Variants in SEPTIN11 observed in about 807,000 individuals in gnomAD.
The protein encoded by SEPTIN11 is septin 11.
A neutral mutation model predicts 51.4 loss-of-function variants in SEPTIN11; 25 were observed. The ratio of observed to expected loss-of-function variants is 0.49; its 90% confidence interval spans 0.35 to 0.68. The LOEUF is 0.68. Ranked by LOEUF, SEPTIN11 falls within the 30% of genes least tolerant of loss-of-function variation. The pLI, the probability that SEPTIN11 is intolerant of heterozygous loss-of-function variation, is 0.00. For synonymous variants in SEPTIN11, 174 were observed against 184.1 expected (o/e 0.95, Z 0.44); for missense variants, 381 against 520.8 (o/e 0.73, Z 2.61).
At chr4:76,955,838 T>C (rs1430131266) in intron 1 of SEPTIN11, among the ~76,000 whole-genome samples, 1 of 152,234 alleles carries the variant, frequency 6.6e-6, no homozygotes, top group Non-Finnish European at 1.5e-5. Flanking sequence ...CCCAGTTTTA[T>C]GCATTGAGCC....
At position 77,011,840 on chromosome 4, in the gene SEPTIN11, T is replaced by A. The variant is rs1469141733; in HGVS notation, c.444T>A (p.His148Gln). 1 of 1,614,008 alleles carries A rather than the reference T, an allele frequency of 6.2e-7. No homozygotes were observed. The highest frequency in any genetic ancestry group is 8.5e-7 in the Non-Finnish European group (1 of 1,179,986). ...SLFNYHDTRI[H>Q]ACLYFIAPTG... The stretch of plus-strand genomic sequence containing the variant: ...TCAACTACCATGACACGAGGATCCA[T>A]GCCTGCCTCTACTTTATTGCCCCTA... The change falls in exon 4 of 10, where the codon CAT (histidine) becomes CAA (glutamine). Residue 148 changes from histidine to glutamine, a missense_variant. Physicochemically the swap from His to Gln is conservative, Grantham distance 24 (BLOSUM62 0). Coordinates refer to ENST00000264893, the MANE Select transcript of SEPTIN11 (RefSeq NM_018243.4).
chr4:76,994,900 C>CTTTTTTT (rs55728971), intron 1 of SEPTIN11, among the ~76,000 whole-genome samples: 1 of 54,854 alleles, frequency 1.8e-5, no homozygotes, highest in African/African-American at 6.7e-5. Context: ...CTGTACAAAG[C>CTTTTTTT]TTTTTTTTTT....
chr4:77,012,085 CA>C lies in SEPTIN11; in HGVS notation c.525+169del, dbSNP rs1724906060. Among the ~76,000 whole-genome samples the C allele has an allele frequency of 4.5e-3, 277 of 62,210 alleles. 1 individual carries two copies. The highest frequency in any genetic ancestry group is 0.017 in the African/African-American group (268 of 16,222). 40.8% of individuals were successfully genotyped at this position (62,210 alleles called of 152,430 possible). A position where few individuals can be genotyped will look rare whatever the true frequency, so the allele number is the denominator to read the frequency against. Reference sequence around the variant, plus strand: ...GCTTCAAAACCTCTTGCCTGTTAGACAAAAATAAAATAAAACAAAACAAAAC... The same window carrying C: ...GCTTCAAAACCTCTTGCCTGTTAGACAAAATAAAATAAAACAAAACAAAAC... On this transcript the variant is annotated intron_variant, in intron 4 of 9. Transcript: ENST00000264893.
intron 4 of SEPTIN11, among the ~76,000 whole-genome samples, chr4:77,012,939 C>T (rs956923637): frequency 6.6e-6 from 1 of 152,190 alleles, no homozygotes; most frequent in African/African-American, 2.4e-5. Context: ...TCCTTCATCC[C>T]ATCTGATTCC....
At chr4:77,017,258 T>C (rs1161764964) in intron 5 of SEPTIN11, among the ~76,000 whole-genome samples, 1 of 152,218 alleles carries the variant, frequency 6.6e-6, no homozygotes, top group African/African-American at 2.4e-5. Context: ...TTGCTCTCTT[T>C]CTCTCTTTAT....
At position 77,035,536 on chromosome 4, in the gene SEPTIN11, T is replaced by G; in HGVS notation, c.*1024T>G. 1.0e-6 allele frequency: 1 copy of G among 985,406 alleles called. No individual in the cohort carries two copies. The highest frequency in any genetic ancestry group is 4.7e-5 in the South Asian group (1 of 21,282). The allele number at this position is 985,406 out of a possible 1,614,324, so 61.0% of individuals were successfully genotyped here. On this transcript the variant is annotated 3_prime_UTR_variant, in exon 10 of 10. Transcript: ENST00000264893. ...ACAAATTTGAGCGAGGCCTTGTCAATTTTAAGGTGGAAATAGGAAGGACCA... is the reference window on the plus strand; with the variant it reads ...ACAAATTTGAGCGAGGCCTTGTCAAGTTTAAGGTGGAAATAGGAAGGACCA...
At chr4:77,012,319 T>C (rs555333548) in intron 4 of SEPTIN11, among the ~76,000 whole-genome samples, 1 of 152,194 alleles carries the variant, frequency 6.6e-6, no homozygotes, top group African/African-American at 2.4e-5. Context: ...TGGTCCAGCT[T>C]CTTCAATTTT....
Position 77,035,184 on chromosome 4 carries a change from G to T in SEPTIN11, c.*672G>T. On this transcript the variant is annotated 3_prime_UTR_variant, in exon 10 of 10. Coordinates refer to ENST00000264893, the MANE Select transcript of SEPTIN11 (RefSeq NM_018243.4). Reference sequence around the variant, plus strand: ...AATCCTGGCCAAGTTGGAGTAGACTGGTATGAGAAAACTATGATTAGTTCA... The same window carrying T: ...AATCCTGGCCAAGTTGGAGTAGACTTGTATGAGAAAACTATGATTAGTTCA... 1.0e-6 allele frequency: 1 copy of T among 985,420 alleles called. No homozygotes were observed. Among genetic ancestry groups the T allele is most frequent in the Non-Finnish European group, 1.2e-6 (1 of 829,960 alleles). The allele number at this position is 985,420 out of a possible 1,614,324, so 61.0% of individuals were successfully genotyped here. A position where few individuals can be genotyped will look rare whatever the true frequency, so the allele number is the denominator to read the frequency against.
rs571942883 is a variant in SEPTIN11, at chr4:77,036,017, A to G, written c.*1505A>G. Reference sequence around the variant, plus strand: ...TAGAATATGCTGCGTCTCCCCTGACACACACTTTCTTTTTTGAATGAGCAA... The same window carrying G: ...TAGAATATGCTGCGTCTCCCCTGACGCACACTTTCTTTTTTGAATGAGCAA... On this transcript the variant is annotated 3_prime_UTR_variant, in exon 10 of 10. Transcript: ENST00000264893. 109 of 985,944 alleles carry G rather than the reference A, an allele frequency of 1.1e-4. No homozygotes were observed. In the African/African-American group the frequency reaches 1.6e-3, roughly 14 times the overall value. 61.1% of individuals were successfully genotyped at this position (985,944 alleles called of 1,614,324 possible).
At chr4:76,988,291 T>G (rs1410622697) in intron 1 of SEPTIN11, among the ~76,000 whole-genome samples, 1 of 152,236 alleles carries the variant, frequency 6.6e-6, no homozygotes, top group Non-Finnish European at 1.5e-5. Context: ...TGTGACTATT[T>G]GATTGACATC....
At chr4:76,969,874 A>T (rs1179921187) in intron 1 of SEPTIN11, among the ~76,000 whole-genome samples, 3 of 152,344 alleles carry the variant, frequency 2.0e-5, no homozygotes, top group South Asian at 4.1e-4. Flanking sequence ...GCATTTCATA[A>T]TACTTTTGTA....
At chr4:76,979,660 G>T (rs1283532291) in intron 1 of SEPTIN11, among the ~76,000 whole-genome samples, 1 of 152,084 alleles carries the variant, frequency 6.6e-6, no homozygotes, top group South Asian at 2.1e-4. Flanking sequence ...AAGGCAGGCG[G>T]ATCACCTGAG....
intron 1 of SEPTIN11, among the ~76,000 whole-genome samples, chr4:76,983,790 A>C (rs1722890622): frequency 6.6e-6 from 1 of 152,140 alleles, no homozygotes; most frequent in African/African-American, 2.4e-5. Context: ...CAGGCAGATC[A>C]CAAGGTCAGG....
chr4:77,028,474 A>G (rs1179050055), intron 7 of SEPTIN11, among the ~76,000 whole-genome samples, 155 bp from the exon 8 acceptor site: 1 of 152,206 alleles, frequency 6.6e-6, no homozygotes, highest in African/African-American at 2.4e-5. Flanking sequence ...CCACAGCATA[A>G]CTAAAAGCAA....
intron 1 of SEPTIN11, among the ~76,000 whole-genome samples, chr4:76,963,331 G>A (rs1260722553): frequency 2.0e-5 from 3 of 152,216 alleles, no homozygotes. Context: ...ACATTTCAGT[G>A]GGTAAAAGTT....
chr4:76,991,601 C>G (rs1204539540), intron 1 of SEPTIN11, among the ~76,000 whole-genome samples: 1 of 152,206 alleles, frequency 6.6e-6, no homozygotes, highest in Non-Finnish European at 1.5e-5. Flanking sequence ...CAGAAGGGTT[C>G]TGCAAGCTGG....
intron 1 of SEPTIN11, among the ~76,000 whole-genome samples, chr4:76,976,198 T>C (rs1196562751): frequency 2.0e-5 from 3 of 152,236 alleles, no homozygotes; most frequent in Non-Finnish European, 4.4e-5. Context: ...GTAAATACTG[T>C]ATTTTGTATT....
chr4:76,958,123 T>G (rs1694253469), intron 1 of SEPTIN11, among the ~76,000 whole-genome samples: 1 of 152,246 alleles, frequency 6.6e-6, no homozygotes, highest in Non-Finnish European at 1.5e-5. Context: ...ATAAATTGGA[T>G]AAGACGTATT....
chr4:77,018,209 C>T (rs113205548), intron 5 of SEPTIN11, among the ~76,000 whole-genome samples: 1,721 of 151,976 alleles, frequency 0.011, 20 homozygotes, highest in Admixed American at 0.038. Context: ...CCAGCACTTT[C>T]GGAGGCCAAG....
Sources: gnomAD v4.1 joint callset for allele counts (sites outside exome capture counted in the v4.1 genomes callset) on GRCh38, gnomAD v4.1.1 for gene constraint, MANE v1.5 for transcripts, NCBI Gene and HGNC (gene_info 2026-07-23, HGNC 2026-07-21) for gene names.